Variants in PUS7 observed in about 807,000 individuals in gnomAD.
PUS7 encodes pseudouridylate synthase 7 homolog.
PUS7 carries 48 observed loss-of-function variants against 79.8 expected under a neutral mutation model. The ratio of observed to expected loss-of-function variants is 0.60; its 90% CI spans 0.48 to 0.76. The LOEUF is 0.76. Among genes scored for constraint, PUS7 ranks in the 30% least tolerant of loss-of-function variants. The pLI is 0.00. For synonymous variants in PUS7, 286 were observed against 272.2 expected, an observed-to-expected ratio of 1.05 and a Z score of -0.50; for missense variants, 729 against 797.6, an observed-to-expected ratio of 0.91 and a Z score of 1.04.
At chr7:105,509,024 C>CAA (rs370047811) in intron 1 of PUS7, among the ~76,000 whole-genome samples, 4 of 142,184 alleles carry the variant, frequency 2.8e-5, no homozygotes, top group African/African-American at 1.0e-4. Flanking sequence ...ACTAAAAATA[C>CAA]AAAAAAAAAA....
At chr7:105,506,300 G>A (rs1825455684) in intron 2 of PUS7, 27 bp from the exon 3 acceptor site, 1 of 1,440,356 alleles carries the variant, frequency 6.9e-7, no homozygotes, top group Non-Finnish European at 9.7e-7. Context: ...TGAACTTTCA[G>A]ATAATTAACA....
intron 8 of PUS7, among the ~76,000 whole-genome samples, 191 bp from the exon 9 acceptor site, chr7:105,481,368 G>A (rs563096675): frequency 6.6e-6 from 1 of 152,178 alleles, no homozygotes; most frequent in Admixed American, 6.5e-5. Context: ...TACTATTTTA[G>A]CCATTTTTAA....
intron 5 of PUS7, among the ~76,000 whole-genome samples, chr7:105,499,804 T>TA (rs554373030): frequency 4.0e-4 from 61 of 151,426 alleles, no homozygotes; most frequent in African/African-American, 1.3e-3. Context: ...GTAATACAGC[T>TA]AAAAAAAAAC....
chr7:105,496,216 T>TAGAGAGAGAGAGAG (rs1335946389), intron 5 of PUS7, among the ~76,000 whole-genome samples: 3 of 76,716 alleles, frequency 3.9e-5, no homozygotes, highest in Admixed American at 3.3e-4. Context: ...TATATATATA[T>TAGAGAGAGAGAGAG]ATATATATAT....
intron 6 of PUS7, among the ~76,000 whole-genome samples, chr7:105,493,712 C>G (rs1208023261): frequency 6.6e-6 from 1 of 152,006 alleles, no homozygotes; most frequent in Non-Finnish European, 1.5e-5. Flanking sequence ...ACACAGATAC[C>G]AGGGGTGTGC....
Position 105,502,531 on chromosome 7 carries a change from T to C in PUS7, c.619A>G (p.Ile207Val), listed in dbSNP as rs370685048. 6.2e-6 allele frequency: 10 copies of C among 1,613,968 alleles called. No homozygotes were observed. In the African/African-American group the frequency reaches 1.3e-4, roughly 22 times the overall value. The change falls in exon 5 of 16, where the codon ATC becomes GTC. Residue 207 changes from isoleucine (I) to valine (V), a missense_variant. By Grantham distance (29) the Ile-to-Val change is conservative. Transcript: ENST00000469408. Reference sequence around the variant, plus strand: ...AACAGAGATTTGATAGCCTGATGGATGATGGTTCTTTTCTCTTTGGTGTCC... The same window carrying C: ...AACAGAGATTTGATAGCCTGATGGACGATGGTTCTTTTCTCTTTGGTGTCC... ...IEDTKEKRTI[I>V]HQAIKSLFPG...
At chr7:105,489,147 C>CAAAAAAAAAA (rs762504334) in intron 7 of PUS7, among the ~76,000 whole-genome samples, 2 of 33,688 alleles carry the variant, frequency 5.9e-5, no homozygotes, top group African/African-American at 9.3e-5. Flanking sequence ...AACTCCATCT[C>CAAAAAAAAAA]AAAAAAAAAA....
At chr7:105,520,303 T>TA (rs370197061) in intron 1 of PUS7, among the ~76,000 whole-genome samples, 10,165 of 151,666 alleles carry the variant, frequency 0.067, 1,157 homozygotes, top group African/African-American at 0.23. Flanking sequence ...ACTAAAAATA[T>TA]AAAAAATTAG....
At chr7:105,459,812 C>T (rs1391993485) in intron 14 of PUS7, among the ~76,000 whole-genome samples, 1 of 152,088 alleles carries the variant, frequency 6.6e-6, no homozygotes, top group Admixed American at 6.5e-5. Flanking sequence ...GTGGCTCATG[C>T]CTCTAATCCC....
chr7:105,465,443 A>C, intron 12 of PUS7, 29 bp from the exon 13 acceptor site: 1 of 1,465,542 alleles, frequency 6.8e-7, no homozygotes, highest in Non-Finnish European at 9.5e-7. Context: ...ACAATAAATT[A>C]AGAAAATAGG....
rs756971588 is a variant in PUS7 at position 105,512,817 on chromosome 7, G to A, written c.-32-4273C>T. 1.0e-3 allele frequency among the ~76,000 whole-genome samples: 153 copies of A among 152,338 alleles called. 1 individual carries two copies. Among genetic ancestry groups the A allele is most frequent in the Middle Eastern group, 3.4e-3 (1 of 294 alleles). ...GAAGACCAGGTAAGAGGGTACAGCT[G>A]TAATCTAGGCAAGAAATTAATATAA... On this transcript the variant is annotated intron_variant, in intron 1 of 15. Transcript: ENST00000469408.
intron 2 of PUS7, among the ~76,000 whole-genome samples, chr7:105,507,232 G>A (rs909573961): frequency 1.3e-5 from 2 of 152,064 alleles, no homozygotes; most frequent in Non-Finnish European, 2.9e-5. Context: ...TATTAGTAGA[G>A]ACAGGGTTTC....
intron 15 of PUS7, among the ~76,000 whole-genome samples, chr7:105,458,353 C>T (rs1451518207): frequency 1.3e-5 from 2 of 151,480 alleles, no homozygotes; most frequent in Non-Finnish European, 2.9e-5. Flanking sequence ...CTCCACCTCC[C>T]GGGTTGAAGC....
rs903261336 is a variant in PUS7 at position 105,470,940 on chromosome 7, A to C, written c.1238-92T>G. 5 of 1,352,344 alleles carry C rather than the reference A, an allele frequency of 3.7e-6. No individual in the cohort carries two copies. The African/African-American group carries it at 7.3e-5, about 20-fold the overall frequency. 83.8% of individuals were successfully genotyped at this position (1,352,344 alleles called of 1,614,324 possible). A position where few individuals can be genotyped will look rare whatever the true frequency, so the allele number is the denominator to read the frequency against. On this transcript the variant is annotated intron_variant, in intron 10 of 15. Transcript: ENST00000469408. ...ACTTCACAGAGAACACAAAATTAGA[A>C]AATGCTACTTGAAATATAGGTGCTG... is the stretch of plus-strand genomic sequence containing the variant.
intron 14 of PUS7, among the ~76,000 whole-genome samples, chr7:105,461,506 A>C (rs1823425412): frequency 6.6e-6 from 1 of 152,212 alleles, no homozygotes; most frequent in Non-Finnish European, 1.5e-5. Context: ...CTTATGAGAC[A>C]CTGTGCCCGG....
intron 9 of PUS7, among the ~76,000 whole-genome samples, chr7:105,473,962 T>C (rs1823979951): frequency 6.6e-6 from 1 of 152,382 alleles, no homozygotes; most frequent in Admixed American, 6.5e-5. Flanking sequence ...TGTTGGCAAA[T>C]CTATAAGTGT....
At chr7:105,474,412 T>C (rs2064058805) in intron 9 of PUS7, among the ~76,000 whole-genome samples, 1 of 152,134 alleles carries the variant, frequency 6.6e-6, no homozygotes, top group African/African-American at 2.4e-5. Context: ...AAAAAGAGTA[T>C]AGTACTAGTT....
chr7:105,496,226 T>TATATATAG (rs1197032072), intron 5 of PUS7, among the ~76,000 whole-genome samples: 1 of 81,146 alleles, frequency 1.2e-5, no homozygotes, highest in East Asian at 4.0e-4. Context: ...TATATATATA[T>TATATATAG]AGAGAGAGAG....
At chr7:105,457,972 G>T in intron 15 of PUS7, 46 bp from the exon 16 acceptor site, 1 of 1,596,862 alleles carries the variant, frequency 6.3e-7, no homozygotes, top group South Asian at 1.1e-5. Flanking sequence ...GGCAGCTGCA[G>T]ACAGACCAGC....
Sources: allele counts gnomAD v4.1 joint callset (sites outside exome capture counted in the v4.1 genomes callset), GRCh38; gene constraint gnomAD v4.1.1; transcripts MANE v1.5; gene names NCBI Gene and HGNC (gene_info 2026-07-23, HGNC 2026-07-21).